The following CSRNP1 variants were observed in gnomAD, a reference collection of about 807,000 sequenced individuals.
The protein encoded by CSRNP1 is cysteine/serine-rich nuclear protein 1.
Under a neutral mutation model 25.0 loss-of-function variants are expected in CSRNP1, and 8 were observed. That is an observed-to-expected ratio of 0.32 (90% CI 0.19 to 0.58). The LOEUF (loss-of-function observed/expected upper bound fraction) is 0.58, where lower values mean the gene tolerates loss of function less well. CSRNP1 is among the 20% of genes least tolerant of loss of function. The pLI is 0.88. For missense variants in CSRNP1, 691 were observed against 773.1 expected (o/e 0.89, Z 1.26); for synonymous variants, 305 against 303.1 (o/e 1.01, Z -0.06).
rs776520739 is a variant in CSRNP1 at position 39,145,020 on chromosome 3, T to C, written c.442A>G (p.Lys148Glu). The change falls in exon 3 of 5, where the codon AAG becomes GAG. Residue 148 changes from lysine (K) to glutamate (E), a missense_variant. Transcript: ENST00000273153. ...EKLRQRLKEE[K>E]LEMLQWKLSA... ...ACCTTCCACTGCAGCATCTCCAACT[T>C]CTCCTCTTTCAAGCGCTGGCGGAGC... The C allele has an allele frequency of 6.2e-7, 1 of 1,611,372 alleles. No individual in the cohort carries two copies. The highest frequency in any genetic ancestry group is 8.5e-7 in the Non-Finnish European group (1 of 1,177,976).
intron 1 of CSRNP1, among the ~76,000 whole-genome samples, chr3:39,147,553 T>C (rs1017375849): frequency 6.6e-6 from 1 of 152,062 alleles, no homozygotes; most frequent in Non-Finnish European, 1.5e-5. Flanking sequence ...CCACAGCCAC[T>C]AAGGCTGTCT....
At chr3:39,144,958 C>T (rs749723210) in intron 3 of CSRNP1, 39 bp downstream of exon 3, 1 of 1,561,320 alleles carries the variant, frequency 6.4e-7, no homozygotes. Flanking sequence ...ACTCCAGGAG[C>T]TGCCTCAGGA....
chr3:39,145,073 T>A lies in CSRNP1; in HGVS notation c.389A>T (p.Gln130Leu), dbSNP rs776192489. Reference sequence around the variant, plus strand: ...CTCGTGCCGTGCACGGGCTTGCTCCTGCGCAAACTCAGCCAAAGAGAAGCG... The same window carrying A: ...CTCGTGCCGTGCACGGGCTTGCTCCAGCGCAAACTCAGCCAAAGAGAAGCG... ...CRRFSLAEFA[Q>L]EQARARHEKL... The change falls in exon 3 of 5, where the codon CAG (glutamine) becomes CTG (leucine). Residue 130 changes from glutamine to leucine, a missense_variant. Transcript: ENST00000273153. 6.2e-7 allele frequency: 1 copy of A among 1,614,268 alleles called. No homozygotes were observed. The highest frequency in any genetic ancestry group is 8.5e-7 in the Non-Finnish European group (1 of 1,180,036).
At chr3:39,153,779 G>A (rs1246971175), upstream of CSRNP1, 2 of 150,666 alleles carry the variant, frequency 1.3e-5, no homozygotes, top group Non-Finnish European at 3.0e-5. Context: ...GTGACCCGGC[G>A]ACTGCGCCTC....
intron 3 of CSRNP1, among the ~76,000 whole-genome samples, 184 bp downstream of exon 3, chr3:39,144,813 C>T (rs1239342230): frequency 6.6e-6 from 1 of 152,172 alleles, no homozygotes; most frequent in Non-Finnish European, 1.5e-5. Context: ...GAGCCCTCCT[C>T]TGCGCCTCCT....
At chr3:39,145,682 A>G (rs1422311876) in intron 2 of CSRNP1, among the ~76,000 whole-genome samples, 1 of 152,248 alleles carries the variant, frequency 6.6e-6, no homozygotes, top group Non-Finnish European at 1.5e-5. Context: ...AGGTTGAACC[A>G]TAGCAAATTA....
Position 39,144,187 on chromosome 3 carries a change from T to C in CSRNP1, c.730A>G (p.Ile244Val). The change falls in exon 4 of 5, where the codon ATC becomes GTC. Residue 244 changes from isoleucine (I) to valine (V), a missense_variant. Coordinates refer to ENST00000273153, the MANE Select transcript of CSRNP1 (RefSeq NM_033027.4). ...CAGCTGCAGGTCTCAGGGTCGCAGA[T>C]CCTATCGCAGTGACAGCCACAATCC... Reference protein sequence around the residue: ...REDCGCHCDRICDPETCSCSL... With the variant: ...REDCGCHCDRVCDPETCSCSL... The C allele has an allele frequency of 6.2e-7, 1 of 1,614,166 alleles. No individual in the cohort carries two copies. Among genetic ancestry groups the C allele is most frequent in the Non-Finnish European group, 8.5e-7 (1 of 1,180,030 alleles).
rs145148130 is a variant in CSRNP1 at position 39,143,359 on chromosome 3, G to A, written c.1466C>T (p.Ala489Val). The A allele has an allele frequency of 1.6e-4, 266 of 1,614,186 alleles. No homozygotes were observed. In the African/African-American group the frequency reaches 3.0e-3, roughly 18 times the overall value. Residue 489 changes from alanine to valine, a missense_variant, in exon 5 of 5, where the codon GCT (alanine) becomes GTT (valine). Coordinates refer to ENST00000273153, the MANE Select transcript of CSRNP1 (RefSeq NM_033027.4). ...PGTSVPPSMD[A>V]GRSSSVDLSL... ...GAGATCCACTGAGCTACTCCGGCCA[G>A]CGTCCATGCTGGGTGGCACTGAGGT...
chr3:39,150,946 T>C (rs1046180545), intron 1 of CSRNP1: 2 of 152,178 alleles, frequency 1.3e-5, no homozygotes, highest in Non-Finnish European at 2.9e-5. Context: ...CTGGTTCTCA[T>C]GTTCCTCTGT....
chr3:39,151,997 A>T (rs1336474609), intron 1 of CSRNP1: 1 of 152,354 alleles, frequency 6.6e-6, no homozygotes, highest in African/African-American at 2.4e-5. Flanking sequence ...CACTAAGCTC[A>T]CATATGTGCC....
chr3:39,144,544 C>A (rs1428017642), intron 3 of CSRNP1, 93 bp from the exon 4 acceptor site: 3 of 1,269,194 alleles, frequency 2.4e-6, no homozygotes, highest in South Asian at 2.9e-5. Flanking sequence ...AAGTGCTTAC[C>A]CCCCCACTAC....
intron 1 of CSRNP1, 145 bp from the exon 2 acceptor site, chr3:39,146,867 T>A: frequency 8.9e-7 from 1 of 1,121,290 alleles, no homozygotes; most frequent in Non-Finnish European, 1.2e-6. Flanking sequence ...GAGCTCTGTG[T>A]GGGGGAGGGC....
At chr3:39,146,060 C>T (rs1275502485) in intron 2 of CSRNP1, among the ~76,000 whole-genome samples, 1 of 152,188 alleles carries the variant, frequency 6.6e-6, no homozygotes, top group Non-Finnish European at 1.5e-5. Flanking sequence ...AACCCCTTTT[C>T]ACTATGTTCA....
chr3:39,148,418 C>G (rs2039544837), intron 1 of CSRNP1: 1 of 152,722 alleles, frequency 6.5e-6, no homozygotes, highest in East Asian at 1.9e-4. Context: ...ACATCCTGTC[C>G]CCATCGCATC....
rs1282804841 is a variant in CSRNP1, at chr3:39,144,264, C to G, written c.653G>C (p.Arg218Thr). ...RALLRASGVR[R>T]IDREEKRELQ... Reference sequence around the variant, plus strand: ...CTCCCGCTTCTCCTCCCGATCGATCCTTCGCACACCTGAAGCCCTCAGCAG... The same window carrying G: ...CTCCCGCTTCTCCTCCCGATCGATCGTTCGCACACCTGAAGCCCTCAGCAG... Residue 218 changes from arginine to threonine, a missense_variant, in exon 4 of 5, where the codon AGG becomes ACG. By Grantham distance (71) the Arg-to-Thr change is moderately conservative (BLOSUM62 -1). Coordinates refer to ENST00000273153, the MANE Select transcript of CSRNP1 (RefSeq NM_033027.4). 1 of 1,614,072 alleles carries G rather than the reference C, an allele frequency of 6.2e-7. No individual in the cohort carries two copies. Among genetic ancestry groups the G allele is most frequent in the Admixed American group, 1.7e-5 (1 of 60,012 alleles).
Position 39,143,809 on chromosome 3 carries a change from A to T in CSRNP1, c.1016T>A (p.Met339Lys). ...VPTFPLAKPP[M>K]NNELGDNSCS... ...GCTGTTGTCTCCCAGCTCATTGTTC[A>T]TGGGGGGCTTGGCCAGTGGGAAAGT... is the stretch of plus-strand genomic sequence containing the variant. Residue 339 changes from methionine to lysine, a missense_variant, in exon 5 of 5, where the codon ATG (methionine) becomes AAG (lysine). By Grantham distance (95) the Met-to-Lys change is moderately conservative. Coordinates refer to ENST00000273153, the MANE Select transcript of CSRNP1 (RefSeq NM_033027.4). 1 of 1,614,144 alleles carries T rather than the reference A, an allele frequency of 6.2e-7. No individual in the cohort carries two copies. Among genetic ancestry groups the T allele is most frequent in the East Asian group, 2.2e-5 (1 of 44,882 alleles).
intron 3 of CSRNP1, 77 bp from the exon 4 acceptor site, chr3:39,144,528 C>A: frequency 7.2e-7 from 1 of 1,395,240 alleles, no homozygotes; most frequent in Admixed American, 2.2e-5. Context: ...TAGACAAACC[C>A]TCCCCAAGTG....
At chr3:39,144,576 C>T in intron 3 of CSRNP1, 125 bp from the exon 4 acceptor site, 1 of 917,918 alleles carries the variant, frequency 1.1e-6, no homozygotes, top group African/African-American at 1.7e-5. Flanking sequence ...CTGCGATGGG[C>T]ACTGTGTGTC....
In CSRNP1 at chr3:39,143,730, AG is replaced by A. The variant is rs1386899562; in HGVS notation, c.1094del (p.Thr365IlefsTer31). On this transcript the variant is annotated frameshift_variant, in exon 5 of 5. Transcript: ENST00000273153. LOFTEE classifies it low-confidence loss of function (END_TRUNC). Reference protein sequence around the residue: ...SSTASSSASGTSEAPDCPTHP... With the variant: ...SSTASSSASGXSEAPDCPTHP... ...GGGTGGGGCAGTCAGGAGCCTCACTAGTGCCCGATGCTGATGAAGATGCTGT... is the reference window on the plus strand; with the variant it reads ...GGGTGGGGCAGTCAGGAGCCTCACTATGCCCGATGCTGATGAAGATGCTGT... 6.2e-7 allele frequency: 1 copy of A among 1,614,010 alleles called. No homozygotes were observed. The highest frequency in any genetic ancestry group is 1.1e-5 in the South Asian group (1 of 91,076).
Sources: allele counts gnomAD v4.1 joint callset (sites outside exome capture counted in the v4.1 genomes callset), GRCh38; gene constraint gnomAD v4.1.1; transcripts MANE v1.5; gene names NCBI Gene and HGNC (gene_info 2026-07-23, HGNC 2026-07-21).